Variants in LRP1B observed in about 807,000 individuals in gnomAD.
The protein encoded by LRP1B is low-density lipoprotein receptor-related protein 1B.
LRP1B carries 217 observed loss-of-function variants against 556.6 expected under a neutral mutation model. The observed-to-expected ratio is 0.39, with a 90% CI of 0.35 to 0.44. The LOEUF (loss-of-function observed/expected upper bound fraction) is 0.44, where lower values mean the gene tolerates loss of function less well. Among genes scored for constraint, LRP1B ranks in the 20% least tolerant of loss-of-function variants. LRP1B has a pLI of 1.00. For missense variants in LRP1B, 5,053 were observed against 5,620.8 expected (o/e 0.90, Z 3.23); for synonymous variants, 2,047 against 1,865.8 (o/e 1.10, Z -2.50).
chr2:141,607,601 A>G (rs188132910), intron 2 of LRP1B, among the ~76,000 whole-genome samples: 1 of 152,272 alleles, frequency 6.6e-6, no homozygotes. Context: ...TGCAGTTAAG[A>G]AGAGACAAAG....
chr2:140,358,975 G>A (rs1480710084), intron 72 of LRP1B, 29 bp from the exon 73 acceptor site: 1 of 1,597,260 alleles, frequency 6.3e-7, no homozygotes, highest in Non-Finnish European at 8.5e-7. Context: ...AAACAAAGAA[G>A]CTCCTTCGAG....
intron 83 of LRP1B, among the ~76,000 whole-genome samples, chr2:140,309,381 T>C (rs1234231221): frequency 2.6e-5 from 4 of 151,848 alleles, no homozygotes; most frequent in Non-Finnish European, 5.9e-5. Context: ...GGAAATAAGA[T>C]TGAAGCATTT....
At chr2:140,723,269 T>A (rs1180760997) in intron 35 of LRP1B, among the ~76,000 whole-genome samples, 1 of 152,148 alleles carries the variant, frequency 6.6e-6, no homozygotes, top group Admixed American at 6.5e-5. Flanking sequence ...AAAATAAATA[T>A]GACGAACAAC....
rs79068468 is a variant in LRP1B at position 141,081,480 on chromosome 2, A to T, written c.1014-19207T>A. 7.8e-3 allele frequency among the ~76,000 whole-genome samples: 1,188 copies of T among 152,322 alleles called. 22 individuals are homozygous for T. Among genetic ancestry groups the T allele is most frequent in the African/African-American group, 0.027 (1,127 of 41,576 alleles). ...CTCTCTTACGCACTTCGTGTTTCAT[A>T]GGGTGCTCTTTCTTGCAAGACTTTC... On this transcript the variant is annotated intron_variant, in intron 7 of 90. Coordinates refer to ENST00000389484, the MANE Select transcript of LRP1B (RefSeq NM_018557.3).
chr2:140,858,909 TA>T (rs1303911203), intron 27 of LRP1B, among the ~76,000 whole-genome samples: 4 of 152,214 alleles, frequency 2.6e-5, no homozygotes, highest in African/African-American at 9.6e-5. Context: ...GCAGAGAGCA[TA>T]ATCTCATTCC....
chr2:141,810,754 G>A (rs1696329430), intron 1 of LRP1B, among the ~76,000 whole-genome samples: 6 of 152,014 alleles, frequency 3.9e-5, no homozygotes, highest in Admixed American at 3.9e-4. Flanking sequence ...AGGCTCTTGA[G>A]CATAGAAATT....
At chr2:140,373,677 C>T (rs1240305610) in intron 68 of LRP1B, among the ~76,000 whole-genome samples, 1 of 152,094 alleles carries the variant, frequency 6.6e-6, no homozygotes, top group Admixed American at 6.6e-5. Context: ...GAGGCTGAGG[C>T]AGGAGGACTG....
chr2:140,380,802 G>A (rs1281257059), intron 67 of LRP1B, among the ~76,000 whole-genome samples: 1 of 152,050 alleles, frequency 6.6e-6, no homozygotes, highest in Admixed American at 6.6e-5. Context: ...GTTGATGTAG[G>A]TTAAAAAAAG....
At chr2:141,111,401 A>T (rs922272425) in intron 7 of LRP1B, among the ~76,000 whole-genome samples, 2 of 152,150 alleles carry the variant, frequency 1.3e-5, no homozygotes, top group African/African-American at 4.8e-5. Context: ...TTACTTGCTT[A>T]TATTTATTTT....
intron 32 of LRP1B, among the ~76,000 whole-genome samples, chr2:140,798,587 G>A (rs1160523673): frequency 6.6e-6 from 1 of 152,092 alleles, no homozygotes; most frequent in African/African-American, 2.4e-5. Flanking sequence ...TACAGTGCAG[G>A]TTTCTCAACC....
chr2:141,468,877 C>G (rs1374950161), intron 3 of LRP1B, among the ~76,000 whole-genome samples: 1 of 152,124 alleles, frequency 6.6e-6, no homozygotes, highest in African/African-American at 2.4e-5. Context: ...ACACTCAAGC[C>G]TTGGCTCGCA....
At chr2:141,271,491 A>AG (rs1685088057) in intron 3 of LRP1B, among the ~76,000 whole-genome samples, 1 of 151,872 alleles carries the variant, frequency 6.6e-6, no homozygotes, top group South Asian at 2.1e-4. Flanking sequence ...AAGCAGAAAG[A>AG]GAAAAAAATA....
intron 1 of LRP1B, among the ~76,000 whole-genome samples, chr2:141,920,287 G>T (rs1187388821): frequency 1.5e-5 from 2 of 133,142 alleles, no homozygotes; most frequent in South Asian, 2.6e-4. Flanking sequence ...TTTGGGGGGG[G>T]GTGGTAGGGA....
At chr2:141,901,155 C>T (rs1308279713) in intron 1 of LRP1B, among the ~76,000 whole-genome samples, 2 of 151,998 alleles carry the variant, frequency 1.3e-5, no homozygotes, top group Non-Finnish European at 2.9e-5. Context: ...AGGACAAATG[C>T]ACTAAGGAGT....
intron 2 of LRP1B, among the ~76,000 whole-genome samples, chr2:141,776,918 T>C (rs1360426685): frequency 6.6e-6 from 1 of 152,208 alleles, no homozygotes; most frequent in African/African-American, 2.4e-5. Flanking sequence ...TTATGTATTA[T>C]CAGTATGATT....
At chr2:141,938,519 G>A (rs761146541) in intron 1 of LRP1B, among the ~76,000 whole-genome samples, 1 of 152,096 alleles carries the variant, frequency 6.6e-6, no homozygotes, top group East Asian at 1.9e-4. Flanking sequence ...CCTTTATGGA[G>A]AACAGTATGG....
At chr2:142,040,215 C>A (rs1299978001) in intron 1 of LRP1B, among the ~76,000 whole-genome samples, 1 of 151,200 alleles carries the variant, frequency 6.6e-6, no homozygotes, top group Non-Finnish European at 1.5e-5. Context: ...TTGCTGCTAT[C>A]CACTTAATAA....
chr2:140,407,936 CATCA>C (rs1310529918), intron 66 of LRP1B, among the ~76,000 whole-genome samples: 1 of 151,882 alleles, frequency 6.6e-6, no homozygotes, highest in Non-Finnish European at 1.5e-5. Flanking sequence ...TCTATGTGTC[CATCA>C]ATCAATGAGT....
At chr2:140,313,320 T>A (rs1369489926) in intron 83 of LRP1B, among the ~76,000 whole-genome samples, 1 of 151,878 alleles carries the variant, frequency 6.6e-6, no homozygotes, top group East Asian at 1.9e-4. Context: ...GATACAATTG[T>A]GTGCACAGAC....
Sources: allele counts gnomAD v4.1 joint callset (sites outside exome capture counted in the v4.1 genomes callset), GRCh38; gene constraint gnomAD v4.1.1; transcripts MANE v1.5; gene names NCBI Gene and HGNC (gene_info 2026-07-23, HGNC 2026-07-21).